Variants in GHRHR observed in about 807,000 individuals in gnomAD.
GHRHR encodes growth hormone-releasing hormone receptor.
GHRHR carries 40 observed loss-of-function variants against 58.3 expected under a neutral mutation model. The observed-to-expected ratio is 0.69, with a 90% CI of 0.53 to 0.89. GHRHR has a LOEUF of 0.89. GHRHR is among the 40% of genes least tolerant of loss of function. The pLI, the probability that GHRHR is intolerant of heterozygous loss-of-function variation, is 0.00. For synonymous variants in GHRHR, 249 were observed against 216.6 expected, an observed-to-expected ratio of 1.15 and a Z score of -1.31; for missense variants, 551 against 541.3, an observed-to-expected ratio of 1.02 and a Z score of -0.18.
rs56317426 is a variant in GHRHR at position 30,970,324 on chromosome 7, G to A, written c.366+360G>A. Among the ~76,000 whole-genome samples the A allele has an allele frequency of 7.1e-3, 1,083 of 152,264 alleles. 11 individuals carry two copies. Among genetic ancestry groups the A allele is most frequent in the African/African-American group, 0.025 (1,051 of 41,552 alleles). ...CCTTTCCTTCTCTGGCCCTCAGTCT[G>A]TGGAGCAGTGTGCATGGTTGCGATG... On this transcript the variant is annotated intron_variant, in intron 4 of 12. Coordinates refer to ENST00000326139, the MANE Select transcript of GHRHR (RefSeq NM_000823.4).
chr7:30,972,910 G>C (rs758001), intron 6 of GHRHR, among the ~76,000 whole-genome samples: 16,149 of 152,250 alleles, frequency 0.11, 935 homozygotes, highest in Middle Eastern at 0.19. Context: ...TGCACTAAGT[G>C]CTTTACATAT....
chr7:30,973,215 T>C (rs1463133312), intron 6 of GHRHR, among the ~76,000 whole-genome samples: 2 of 152,206 alleles, frequency 1.3e-5, no homozygotes, highest in Non-Finnish European at 2.9e-5. Flanking sequence ...ATCCTCATCG[T>C]CTTTATGTTG....
intron 1 of GHRHR, among the ~76,000 whole-genome samples, chr7:30,967,827 T>C (rs1392223869): frequency 6.6e-6 from 1 of 152,232 alleles, no homozygotes; most frequent in Non-Finnish European, 1.5e-5. Context: ...TGCTCATGTG[T>C]TCCTGCCTGT....
At chr7:30,974,364 T>A in intron 7 of GHRHR, 65 bp from the exon 8 acceptor site, 2 of 1,251,434 alleles carry the variant, frequency 1.6e-6, no homozygotes, top group Non-Finnish European at 2.4e-6. Flanking sequence ...TGGTGGGAGG[T>A]GGCGCCAGAT....
At chr7:30,973,859 A>C (rs1223531481) in intron 6 of GHRHR, 126 bp from the exon 7 acceptor site, 3 of 906,682 alleles carry the variant, frequency 3.3e-6, no homozygotes, top group Non-Finnish European at 5.4e-6. Context: ...GGGTGGCCCA[A>C]GGAGCTGCAG....
chr7:30,965,499 G>C (rs931193436), intron 1 of GHRHR, among the ~76,000 whole-genome samples: 1 of 152,110 alleles, frequency 6.6e-6, no homozygotes, highest in Non-Finnish European at 1.5e-5. Flanking sequence ...ATCTTAGAAC[G>C]ATCTATCCTT....
intron 8 of GHRHR, 82 bp from the exon 9 acceptor site, chr7:30,974,889 C>T (rs1792546350): frequency 4.5e-6 from 4 of 897,032 alleles, no homozygotes; most frequent in South Asian, 1.3e-5. Context: ...GACCAGAAGG[C>T]ATGAATGCCT....
intron 12 of GHRHR, 36 bp from the exon 13 acceptor site, chr7:30,979,083 G>C: frequency 6.2e-7 from 1 of 1,608,320 alleles, no homozygotes; most frequent in South Asian, 1.1e-5. Flanking sequence ...AAGCCACAGG[G>C]GGACCTTCCT....
At position 30,974,157 on chromosome 7, in the gene GHRHR, T is replaced by C. The variant is rs1584415016; in HGVS notation, c.751+19T>C. 2 of 1,611,794 alleles carry C rather than the reference T, an allele frequency of 1.2e-6. No homozygotes were observed. The highest frequency in any genetic ancestry group is 3.3e-5 in the Admixed American group (2 of 59,914). Reference sequence around the variant, plus strand: ...GGCTGGGGTGAGCACTGAGGGCGGGTTGGGCACCATGGGGAGGTAAAGGGC... The same window carrying C: ...GGCTGGGGTGAGCACTGAGGGCGGGCTGGGCACCATGGGGAGGTAAAGGGC... On this transcript the variant is annotated intron_variant, in intron 7 of 12. Transcript: ENST00000326139.
chr7:30,968,438 A>G (rs1422061541), intron 1 of GHRHR, among the ~76,000 whole-genome samples: 1 of 152,118 alleles, frequency 6.6e-6, no homozygotes, highest in East Asian at 1.9e-4. Flanking sequence ...GAATGGAGAA[A>G]CATCCATCCA....
intron 6 of GHRHR, among the ~76,000 whole-genome samples, chr7:30,973,510 C>T (rs1385248559): frequency 2.0e-5 from 3 of 152,136 alleles, no homozygotes; most frequent in South Asian, 2.1e-4. Flanking sequence ...GCTCCCCTGC[C>T]GGCAGGTGAT....
At position 30,979,263 on chromosome 7, in the gene GHRHR, T is replaced by G. The variant is rs1414777883; in HGVS notation, c.*19T>G. The G allele has an allele frequency of 4.3e-6, 7 of 1,612,472 alleles. No individual in the cohort carries two copies. The highest frequency in any genetic ancestry group is 5.9e-6 in the Non-Finnish European group (7 of 1,179,354). On this transcript the variant is annotated 3_prime_UTR_variant, in exon 13 of 13. Transcript: ENST00000326139. ...GTGCTAGGCTGCCTCATCACGCCAC[T>G]GGAGTCCACACTTGAATTTGGGCAG...
At chr7:30,965,656 G>T (rs1792332982) in intron 1 of GHRHR, among the ~76,000 whole-genome samples, 1 of 152,188 alleles carries the variant, frequency 6.6e-6, no homozygotes, top group Non-Finnish European at 1.5e-5. Context: ...GCATGAGGCT[G>T]CTCTCCTGGC....
chr7:30,974,966 C>T lies in GHRHR; in HGVS notation c.813-5C>T. 6.2e-7 allele frequency: 1 copy of T among 1,602,820 alleles called. No individual in the cohort carries two copies. Among genetic ancestry groups the T allele is most frequent in the Non-Finnish European group, 8.5e-7 (1 of 1,169,716 alleles). On this transcript the variant is annotated splice_polypyrimidine_tract_variant and splice_region_variant and intron_variant, in intron 8 of 12. Transcript: ENST00000326139. ...CAACAACGGCCTTCTTTCCTCTCTC[C>T]CCAGGTGCTGGGACCTGGACGACAC... is the stretch of plus-strand genomic sequence containing the variant.
At chr7:30,978,031 G>T (rs557015057) in intron 12 of GHRHR, among the ~76,000 whole-genome samples, 14 of 152,344 alleles carry the variant, frequency 9.2e-5, no homozygotes, top group African/African-American at 3.4e-4. Context: ...GGACTCCCAA[G>T]TTCCACCTTT....
chr7:30,971,930 C>T (rs199502074), intron 5 of GHRHR, 33 bp from the exon 6 acceptor site: 1 of 1,611,456 alleles, frequency 6.2e-7, no homozygotes, highest in East Asian at 2.2e-5. Context: ...TCCCTGCTTG[C>T]TTCTTGTTCC....
chr7:30,967,365 G>A (rs1475815484), intron 1 of GHRHR, among the ~76,000 whole-genome samples: 1 of 152,168 alleles, frequency 6.6e-6, no homozygotes, highest in African/African-American at 2.4e-5. Flanking sequence ...ACTTTCAGAA[G>A]TACTGCTAGA....
At chr7:30,970,899 G>A (rs1309504938) in intron 4 of GHRHR, 6 of 612,182 alleles carry the variant, frequency 9.8e-6, no homozygotes, top group South Asian at 3.7e-5. Flanking sequence ...TCCACTCCTC[G>A]CCACTACCCC....
intron 6 of GHRHR, among the ~76,000 whole-genome samples, chr7:30,972,831 CAT>C (rs1412066647): frequency 6.6e-6 from 1 of 152,238 alleles, no homozygotes; most frequent in Non-Finnish European, 1.5e-5. Context: ...CAAACTAACA[CAT>C]GACCTCAATT....
Sources: allele counts gnomAD v4.1 joint callset (sites outside exome capture counted in the v4.1 genomes callset), GRCh38; gene constraint gnomAD v4.1.1; transcripts MANE v1.5; gene names NCBI Gene and HGNC (gene_info 2026-07-23, HGNC 2026-07-21).